MARCHF10: variants seen among roughly 807,000 people sequenced by gnomAD.
The protein encoded by MARCHF10 is probable E3 ubiquitin-protein ligase MARCHF10.
In MARCHF10, 64 loss-of-function variants were observed where a neutral mutation model predicts 76.2. The ratio of observed to expected loss-of-function variants is 0.84; its 90% confidence interval spans 0.69 to 1.03. MARCHF10 has a LOEUF of 1.03. Among genes scored for constraint, MARCHF10 ranks in the 50% least tolerant of loss-of-function variants. The pLI, the probability that MARCHF10 is intolerant of heterozygous loss-of-function variation, is 0.00. For synonymous variants in MARCHF10, 340 were observed against 357.5 expected (o/e 0.95, Z 0.55); for missense variants, 875 against 958.0 (o/e 0.91, Z 1.14).
intron 6 of MARCHF10, among the ~76,000 whole-genome samples, chr17:62,727,871 G>T (rs1383379643): frequency 6.6e-6 from 1 of 152,234 alleles, no homozygotes; most frequent in African/African-American, 2.4e-5. Context: ...CAATGCAGGG[G>T]ATGGGGCAAT....
chr17:62,737,057 A>G lies in MARCHF10; in HGVS notation c.811T>C (p.Phe271Leu), dbSNP rs2091301679. Residue 271 changes from phenylalanine to leucine, a missense_variant, in exon 6 of 11, where the codon TTC becomes CTC. Physicochemically the swap from Phe to Leu is conservative, Grantham distance 22. Transcript: ENST00000311269. ...ATGGAATAAAAGTCTTCATCTCGGAACCTAAATGATGCCTTTCTTGGCCCT... is the reference window on the plus strand; with the variant it reads ...ATGGAATAAAAGTCTTCATCTCGGAGCCTAAATGATGCCTTTCTTGGCCCT... Reference protein sequence around the residue: ...VGGPRKASFRFRDEDFYSILS... With the variant: ...VGGPRKASFRLRDEDFYSILS... 4 of 1,614,080 alleles carry G rather than the reference A, an allele frequency of 2.5e-6. No individual in the cohort carries two copies. The African/African-American group carries it at 4.0e-5, about 16-fold the overall frequency.
chr17:62,781,938 A>C (rs1461308576), intron 3 of MARCHF10, among the ~76,000 whole-genome samples: 1 of 152,202 alleles, frequency 6.6e-6, no homozygotes, highest in Non-Finnish European at 1.5e-5. Context: ...CAATCAGAGA[A>C]GGAACCTGCC....
At chr17:62,705,300 T>C (rs2089508185) in intron 10 of MARCHF10, 5 of 1,447,468 alleles carry the variant, frequency 3.5e-6, no homozygotes, top group African/African-American at 1.4e-5. Context: ...CTTCCCTTTG[T>C]TGGCGCCTTT....
intron 6 of MARCHF10, among the ~76,000 whole-genome samples, chr17:62,727,116 G>A (rs2090794561): frequency 6.6e-6 from 1 of 152,186 alleles, no homozygotes; most frequent in South Asian, 2.1e-4. Flanking sequence ...TGAACGTTAA[G>A]ATGGTCATGC....
chr17:62,759,623 A>T (rs2092140071), intron 4 of MARCHF10, among the ~76,000 whole-genome samples: 1 of 151,930 alleles, frequency 6.6e-6, no homozygotes, highest in South Asian at 2.1e-4. Context: ...GGATTACAGG[A>T]TTATACCTGT....
At chr17:62,718,874 T>C (rs1183635896) in intron 8 of MARCHF10, among the ~76,000 whole-genome samples, 3 of 152,178 alleles carry the variant, frequency 2.0e-5, no homozygotes, top group African/African-American at 7.2e-5. Context: ...TCTTTTCTCT[T>C]TTTTCCTTTT....
At chr17:62,715,077 T>A (rs1453900215) in intron 8 of MARCHF10, among the ~76,000 whole-genome samples, 1 of 152,208 alleles carries the variant, frequency 6.6e-6, no homozygotes, top group African/African-American at 2.4e-5. Context: ...CCTGCATTTC[T>A]GATTCAGCTG....
chr17:62,768,880 T>C (rs1229549560), intron 3 of MARCHF10, among the ~76,000 whole-genome samples: 1 of 152,202 alleles, frequency 6.6e-6, no homozygotes. Flanking sequence ...TCCAACCCAA[T>C]TGTCCCCAAG....
chr17:62,796,615 C>A (rs1017622274), intron 2 of MARCHF10, among the ~76,000 whole-genome samples: 1 of 152,172 alleles, frequency 6.6e-6, no homozygotes, highest in Non-Finnish European at 1.5e-5. Flanking sequence ...AATGTCAAGG[C>A]AATTGGTTCA....
intron 4 of MARCHF10, among the ~76,000 whole-genome samples, chr17:62,757,810 C>T (rs1180041108): frequency 1.3e-5 from 2 of 152,190 alleles, no homozygotes; most frequent in Non-Finnish European, 2.9e-5. Context: ...ATCTTTCTGC[C>T]AACTTGGCTC....
At chr17:62,702,436 C>T (rs1393798381) in intron 10 of MARCHF10, among the ~76,000 whole-genome samples, 1 of 146,864 alleles carries the variant, frequency 6.8e-6, no homozygotes, top group African/African-American at 2.5e-5. Context: ...GGGCGGGGGG[C>T]GGCGAATCAC....
At chr17:62,758,258 GA>G (rs1332585474) in intron 4 of MARCHF10, among the ~76,000 whole-genome samples, 1 of 151,980 alleles carries the variant, frequency 6.6e-6, no homozygotes, top group Non-Finnish European at 1.5e-5. Context: ...AAATTACCCG[GA>G]AATCGCTTGA....
At chr17:62,703,412 A>T (rs1375916378) in intron 10 of MARCHF10, 1 of 152,306 alleles carries the variant, frequency 6.6e-6, no homozygotes, top group Non-Finnish European at 1.5e-5. Flanking sequence ...CTGGGTGCCC[A>T]TGGCTCTGCC....
intron 8 of MARCHF10, among the ~76,000 whole-genome samples, chr17:62,716,580 G>A (rs1301236037): frequency 6.6e-6 from 1 of 151,734 alleles, no homozygotes; most frequent in Non-Finnish European, 1.5e-5. Flanking sequence ...TTGGGCCTGT[G>A]TATCACCATT....
intron 4 of MARCHF10, among the ~76,000 whole-genome samples, chr17:62,757,946 A>G (rs1018945927): frequency 2.6e-5 from 4 of 152,312 alleles, no homozygotes; most frequent in Middle Eastern, 3.4e-3. Context: ...CTCAGTCTGA[A>G]GTACATCTGT....
chr17:62,791,317 A>G (rs2092838284), intron 2 of MARCHF10, among the ~76,000 whole-genome samples: 1 of 152,204 alleles, frequency 6.6e-6, no homozygotes, highest in African/African-American at 2.4e-5. Context: ...GTGCCGTCCT[A>G]ACCTACTGGT....
At chr17:62,801,572 T>C in intron 2 of MARCHF10, 74 bp downstream of exon 2, 2 of 1,322,352 alleles carry the variant, frequency 1.5e-6, no homozygotes, top group South Asian at 1.2e-5. Context: ...TTATCATACG[T>C]TGATGCTGTA....
At chr17:62,717,979 A>G (rs2090301551) in intron 8 of MARCHF10, among the ~76,000 whole-genome samples, 1 of 151,908 alleles carries the variant, frequency 6.6e-6, no homozygotes, top group Non-Finnish European at 1.5e-5. Flanking sequence ...TTGTTAGTTC[A>G]CTGATGGACT....
chr17:62,740,551 G>A (rs577776290), intron 5 of MARCHF10, among the ~76,000 whole-genome samples: 6 of 152,184 alleles, frequency 3.9e-5, no homozygotes, highest in East Asian at 1.9e-4. Flanking sequence ...TCCAAAACTC[G>A]GATGATCATT....
Sources: allele counts gnomAD v4.1 joint callset (sites outside exome capture counted in the v4.1 genomes callset), GRCh38; gene constraint gnomAD v4.1.1; transcripts MANE v1.5; gene names NCBI Gene and HGNC (gene_info 2026-07-23, HGNC 2026-07-21).